PAQR5: variants seen among roughly 807,000 people sequenced by gnomAD.
PAQR5 encodes the protein progestin and adipoQ receptor family member 5.
A neutral mutation model predicts 34.5 loss-of-function variants in PAQR5; 20 were observed. The ratio of observed to expected loss-of-function variants is 0.58; its 90% CI spans 0.41 to 0.84. The LOEUF (loss-of-function observed/expected upper bound fraction) is 0.84, where lower values mean the gene tolerates loss of function less well. PAQR5 is among the 40% of genes least tolerant of loss of function. PAQR5 has a pLI of 0.00. For missense variants in PAQR5, 378 were observed against 412.7 expected, an observed-to-expected ratio of 0.92 and a Z score of 0.73; for synonymous variants, 131 against 155.6, an observed-to-expected ratio of 0.84 and a Z score of 1.18.
intron 1 of PAQR5, among the ~76,000 whole-genome samples, chr15:69,326,099 T>A (rs187293808): frequency 6.6e-6 from 1 of 152,326 alleles, no homozygotes; most frequent in East Asian, 1.9e-4. Context: ...AAAACTGTCC[T>A]GGTTTTCCTC....
At chr15:69,322,428 C>G (rs1422384528) in intron 1 of PAQR5, among the ~76,000 whole-genome samples, 1 of 149,104 alleles carries the variant, frequency 6.7e-6, no homozygotes, top group East Asian at 2.1e-4. Flanking sequence ...GAGATCGCAC[C>G]ACTGCACTCC....
chr15:69,380,815 C>A (rs566662609), intron 4 of PAQR5, among the ~76,000 whole-genome samples: 1 of 152,176 alleles, frequency 6.6e-6, no homozygotes, highest in Non-Finnish European at 1.5e-5. Flanking sequence ...AGCCGAGAGA[C>A]GGGGTGGCGT....
intron 2 of PAQR5, among the ~76,000 whole-genome samples, chr15:69,342,300 A>G (rs1289042811): frequency 1.2e-4 from 2 of 17,162 alleles, no homozygotes; most frequent in East Asian, 1.7e-3. Flanking sequence ...TATTATTATT[A>G]TTATTATTAT....
At position 69,322,832 on chromosome 15, in the gene PAQR5, A is replaced by AGAG. The variant is rs1555413764; in HGVS notation, c.-276-14507_-276-14506insGGA. The stretch of plus-strand genomic sequence containing the variant: ...AAGAGGAAGAAGAAGAAGAAGAAGA[A>AGAG]GAAGAGGAAGAAGAAGAGGAATTAT... On this transcript the variant is annotated intron_variant, in intron 1 of 8. Coordinates refer to ENST00000395407, the MANE Select transcript of PAQR5 (RefSeq NM_017705.4). Among the ~76,000 whole-genome samples the AGAG allele has an allele frequency of 1.4e-3, 108 of 78,522 alleles. 7 individuals are homozygous for AGAG. Among genetic ancestry groups the AGAG allele is most frequent in the Non-Finnish European group, 2.6e-3 (77 of 29,360 alleles). The allele number at this position is 78,522 out of a possible 152,430, so 51.5% of individuals were successfully genotyped here. A position where few individuals can be genotyped will look rare whatever the true frequency, so the allele number is the denominator to read the frequency against.
chr15:69,358,178 G>A (rs58692677), intron 2 of PAQR5, among the ~76,000 whole-genome samples: 7,819 of 152,106 alleles, frequency 0.051, 407 homozygotes, highest in African/African-American at 0.12. Flanking sequence ...AATCCAAGGT[G>A]TATTTTTCTG....
chr15:69,320,224 C>T (rs1019336209), intron 1 of PAQR5, among the ~76,000 whole-genome samples: 17 of 152,244 alleles, frequency 1.1e-4, no homozygotes, highest in African/African-American at 4.1e-4. Context: ...CGATCCCAGG[C>T]TGGCGTTTGG....
intron 3 of PAQR5, among the ~76,000 whole-genome samples, chr15:69,376,573 C>A (rs562060686): frequency 6.6e-6 from 1 of 152,244 alleles, no homozygotes; most frequent in Non-Finnish European, 1.5e-5. Flanking sequence ...TGTCCTGGGA[C>A]AGAGGGACTC....
rs118149215 is a variant in PAQR5, at chr15:69,370,404, G to T, written c.52-9479G>T. On this transcript the variant is annotated intron_variant, in intron 3 of 8. Coordinates refer to ENST00000395407, the MANE Select transcript of PAQR5 (RefSeq NM_017705.4). ...CTAAGTCTGAATAAGGAGGACAAAT[G>T]CAGGCCATAGGCTATATGTCTAAAT... is the stretch of plus-strand genomic sequence containing the variant. 2.5e-4 allele frequency among the ~76,000 whole-genome samples: 38 copies of T among 152,348 alleles called. No homozygotes were observed. In the East Asian group the frequency reaches 6.2e-3, roughly 25 times the overall value.
chr15:69,332,497 G>A (rs376625197), intron 1 of PAQR5, among the ~76,000 whole-genome samples: 29 of 152,276 alleles, frequency 1.9e-4, no homozygotes, highest in African/African-American at 6.5e-4. Context: ...TTAAAAGCCT[G>A]TGCAAGCTTG....
intron 2 of PAQR5, among the ~76,000 whole-genome samples, chr15:69,347,931 CACAA>C (rs2054817663): frequency 6.6e-6 from 1 of 152,310 alleles, no homozygotes; most frequent in East Asian, 1.9e-4. Flanking sequence ...TTTAGGGTGA[CACAA>C]ACATTCAACC....
intron 6 of PAQR5, among the ~76,000 whole-genome samples, chr15:69,394,823 G>A (rs1275937099): frequency 6.6e-6 from 1 of 152,224 alleles, no homozygotes; most frequent in Admixed American, 6.5e-5. Flanking sequence ...CTTGGTAGCG[G>A]ACGGCCCCTC....
intron 1 of PAQR5, among the ~76,000 whole-genome samples, chr15:69,330,920 T>A (rs1450836684): frequency 6.6e-6 from 1 of 152,192 alleles, no homozygotes; most frequent in Non-Finnish European, 1.5e-5. Context: ...TACCTGCCCA[T>A]GGTTCGGTGG....
At chr15:69,371,970 G>A (rs955501643) in intron 3 of PAQR5, among the ~76,000 whole-genome samples, 5 of 152,102 alleles carry the variant, frequency 3.3e-5, no homozygotes, top group Non-Finnish European at 4.4e-5. Context: ...GCGTTTAACA[G>A]CATGGATTTG....
At chr15:69,328,079 C>T (rs2054294880) in intron 1 of PAQR5, among the ~76,000 whole-genome samples, 1 of 152,142 alleles carries the variant, frequency 6.6e-6, no homozygotes, top group Non-Finnish European at 1.5e-5. Flanking sequence ...CCACACCCAG[C>T]CAAGTCTCTT....
intron 2 of PAQR5, among the ~76,000 whole-genome samples, chr15:69,340,697 A>T (rs1425773280): frequency 6.6e-6 from 1 of 152,154 alleles, no homozygotes; most frequent in African/African-American, 2.4e-5. Context: ...TCTAGGACCC[A>T]TGCACATGTT....
At chr15:69,328,241 C>T (rs928613524) in intron 1 of PAQR5, among the ~76,000 whole-genome samples, 9 of 152,182 alleles carry the variant, frequency 5.9e-5, no homozygotes, top group Admixed American at 5.2e-4. Context: ...CAGCCACGCT[C>T]TATGCAAAGA....
intron 1 of PAQR5, among the ~76,000 whole-genome samples, chr15:69,313,422 C>T (rs934542796): frequency 1.1e-4 from 17 of 152,026 alleles, no homozygotes; most frequent in Middle Eastern, 3.2e-3. Context: ...ATCACTTGGG[C>T]CCAGGGAGCT....
intron 4 of PAQR5, among the ~76,000 whole-genome samples, chr15:69,381,045 C>T (rs917212450): frequency 6.6e-6 from 1 of 152,190 alleles, no homozygotes; most frequent in Non-Finnish European, 1.5e-5. Flanking sequence ...GGAGAGAGCT[C>T]AGTCTGGTGT....
intron 2 of PAQR5, among the ~76,000 whole-genome samples, chr15:69,355,016 T>C (rs1191000205): frequency 6.6e-6 from 1 of 152,128 alleles, no homozygotes; most frequent in African/African-American, 2.4e-5. Flanking sequence ...AGTTAAACCA[T>C]CAGGTTCCCT....
Sources: allele counts gnomAD v4.1 joint callset (sites outside exome capture counted in the v4.1 genomes callset), GRCh38; gene constraint gnomAD v4.1.1; transcripts MANE v1.5; gene names NCBI Gene and HGNC (gene_info 2026-07-23, HGNC 2026-07-21).